Variants in SCFD2 observed in about 807,000 individuals in gnomAD.
SCFD2 encodes sec1 family domain-containing protein 2.
SCFD2 carries 54 observed loss-of-function variants against 58.9 expected under a neutral mutation model. The observed-to-expected ratio is 0.92, with a 90% CI of 0.74 to 1.15. SCFD2 has a LOEUF of 1.15. Ranked by LOEUF, SCFD2 falls within the 50% of genes most tolerant of loss-of-function variation. The pLI, the probability that SCFD2 is intolerant of heterozygous loss-of-function variation, is 0.00. For missense variants in SCFD2, 805 were observed against 836.6 expected, an observed-to-expected ratio of 0.96 and a Z score of 0.47; for synonymous variants, 321 against 335.9, an observed-to-expected ratio of 0.96 and a Z score of 0.49.
At chr4:52,958,551 G>A (rs1016820876) in intron 5 of SCFD2, among the ~76,000 whole-genome samples, 3 of 152,026 alleles carry the variant, frequency 2.0e-5, no homozygotes, top group African/African-American at 4.8e-5. Flanking sequence ...AACAAGTGAC[G>A]TTCATCGGCT....
intron 4 of SCFD2, among the ~76,000 whole-genome samples, chr4:53,267,497 C>T (rs1191115907): frequency 6.6e-6 from 1 of 152,212 alleles, no homozygotes. Flanking sequence ...GAACACAGTA[C>T]TGGTCAGGGT....
At chr4:53,150,013 G>A (rs1278529776) in intron 4 of SCFD2, among the ~76,000 whole-genome samples, 1 of 152,156 alleles carries the variant, frequency 6.6e-6, no homozygotes, top group East Asian at 1.9e-4. Context: ...AATGAAATCT[G>A]AATGAAGTCT....
intron 5 of SCFD2, among the ~76,000 whole-genome samples, chr4:53,014,405 C>T (rs1389755062): frequency 1.3e-5 from 2 of 152,224 alleles, no homozygotes. Flanking sequence ...CCTTACTTGC[C>T]TTGTCCAAGT....
chr4:53,108,316 G>C (rs1725064522), intron 5 of SCFD2, among the ~76,000 whole-genome samples: 1 of 152,092 alleles, frequency 6.6e-6, no homozygotes, highest in African/African-American at 2.4e-5. Context: ...AAAAGAACTA[G>C]AGAAGCAAGA....
chr4:52,953,371 T>C (rs1436058536), intron 5 of SCFD2, among the ~76,000 whole-genome samples: 1 of 152,124 alleles, frequency 6.6e-6, no homozygotes, highest in Non-Finnish European at 1.5e-5. Flanking sequence ...CAGCCTCAAG[T>C]AGACCAAAAA....
chr4:53,005,830 C>G (rs1359835390), intron 5 of SCFD2, among the ~76,000 whole-genome samples: 2 of 152,168 alleles, frequency 1.3e-5, no homozygotes, highest in Admixed American at 6.5e-5. Context: ...CTTGAGTGTG[C>G]ATTCACAAAA....
At chr4:53,148,984 A>G (rs923767410) in intron 4 of SCFD2, among the ~76,000 whole-genome samples, 9 of 152,248 alleles carry the variant, frequency 5.9e-5, no homozygotes, top group African/African-American at 2.2e-4. Context: ...CAACAGAGCA[A>G]GACCCTGTCT....
intron 5 of SCFD2, among the ~76,000 whole-genome samples, chr4:53,037,294 A>C (rs6816741): frequency 0.97 from 147,895 of 152,144 alleles, 72,005 homozygotes; most frequent in Middle Eastern, 1. Flanking sequence ...GGACTATATG[A>C]ACAAGCATGT....
intron 7 of SCFD2, among the ~76,000 whole-genome samples, chr4:52,888,815 T>C (rs1441496671): frequency 6.6e-6 from 1 of 152,238 alleles, no homozygotes; most frequent in Admixed American, 6.5e-5. Flanking sequence ...CATCTTCTCA[T>C]GTGCCTTCAA....
chr4:53,251,073 T>G (rs1431261611), intron 4 of SCFD2, among the ~76,000 whole-genome samples: 1 of 152,048 alleles, frequency 6.6e-6, no homozygotes, highest in African/African-American at 2.4e-5. Context: ...CCCACAGAAA[T>G]ACAAACTACC....
Position 53,365,935 on chromosome 4 carries a change from C to T in SCFD2, c.7G>A (p.Ala3Thr). Residue 3 changes from alanine to threonine, a missense_variant, in exon 1 of 9, where the codon GCC becomes ACC. Ala to Thr is a moderately conservative substitution (Grantham distance 58, BLOSUM62 0). Transcript: ENST00000401642. This position sits in a 1 kb window ranked among gnomAD's most constrained non-coding sequence, Gnocchi z 4.3. ...TGGGTAAAGGACAGTACGCCCGAGG[C>T]GCTCATGGTTGGGGATTCGCAGACT... MSASGVLSFTQQG... is the reference protein window; with the variant it reads MSTSGVLSFTQQG... 6.5e-7 allele frequency: 1 copy of T among 1,530,390 alleles called. No individual in the cohort carries two copies. The highest frequency in any genetic ancestry group is 8.7e-7 in the Non-Finnish European group (1 of 1,143,254). The allele number at this position is 1,530,390 out of a possible 1,614,324, so 94.8% of individuals were successfully genotyped here. A position where few individuals can be genotyped will look rare whatever the true frequency, so the allele number is the denominator to read the frequency against.
chr4:53,161,469 T>C (rs1726849912), intron 4 of SCFD2, among the ~76,000 whole-genome samples: 1 of 152,162 alleles, frequency 6.6e-6, no homozygotes, highest in Admixed American at 6.5e-5. Context: ...TACCTTTGGC[T>C]AGGAAGATAG....
chr4:53,075,894 GT>G (rs1560324791), intron 5 of SCFD2, among the ~76,000 whole-genome samples: 1 of 152,148 alleles, frequency 6.6e-6, no homozygotes, highest in Non-Finnish European at 1.5e-5. Flanking sequence ...AGCATATGCC[GT>G]TGGAAAAATG....
At chr4:53,313,549 T>TTCCA (rs1297178128) in intron 3 of SCFD2, 87 bp downstream of exon 3, 18 of 1,532,956 alleles carry the variant, frequency 1.2e-5, no homozygotes, top group Non-Finnish European at 1.5e-5. Context: ...TTGGCCTAGA[T>TTCCA]TCCATGTTGG....
At chr4:53,041,830 T>C (rs187612644) in intron 5 of SCFD2, among the ~76,000 whole-genome samples, 23 of 152,268 alleles carry the variant, frequency 1.5e-4, no homozygotes, top group Admixed American at 2.6e-4. Flanking sequence ...AGGCATTCCA[T>C]AGCATAGCTC....
At chr4:52,992,028 T>C (rs938304938) in intron 5 of SCFD2, among the ~76,000 whole-genome samples, 2 of 151,906 alleles carry the variant, frequency 1.3e-5, no homozygotes, top group African/African-American at 4.8e-5. Context: ...CCCCACGGTC[T>C]CCCTCTCCCC....
chr4:53,253,587 T>C (rs1033895303), intron 4 of SCFD2, among the ~76,000 whole-genome samples: 1 of 151,728 alleles, frequency 6.6e-6, no homozygotes, highest in Non-Finnish European at 1.5e-5. Flanking sequence ...ATGTCCTTTG[T>C]AGGGACATGG....
intron 5 of SCFD2, among the ~76,000 whole-genome samples, chr4:53,079,192 A>G (rs1358743332): frequency 6.6e-6 from 1 of 152,154 alleles, no homozygotes; most frequent in Non-Finnish European, 1.5e-5. Context: ...TAATGGTGTA[A>G]GTACCAACCT....
intron 4 of SCFD2, among the ~76,000 whole-genome samples, chr4:53,270,728 A>G (rs1216768234): frequency 1.3e-5 from 2 of 152,242 alleles, no homozygotes; most frequent in Non-Finnish European, 2.9e-5. Flanking sequence ...ACATCTGGAA[A>G]ACTGAATTTT....
Sources: allele counts gnomAD v4.1 joint callset (sites outside exome capture counted in the v4.1 genomes callset), GRCh38; gene constraint gnomAD v4.1.1; non-coding constraint Gnocchi (gnomAD v3.1); transcripts MANE v1.5; gene names NCBI Gene and HGNC (gene_info 2026-07-23, HGNC 2026-07-21).